Variants in RIF1 observed in about 807,000 individuals in gnomAD.
RIF1 encodes the protein telomere-associated protein RIF1.
In RIF1, 45 loss-of-function variants were observed where a neutral mutation model predicts 247.1. That is an observed-to-expected ratio of 0.18 (90% CI 0.14 to 0.23). The LOEUF is 0.23. Among genes scored for constraint, RIF1 ranks in the 10% least tolerant of loss-of-function variants. The probability of loss-of-function intolerance (pLI) is 1.00; values close to 1 mark genes in which losing one functional copy is unlikely to be tolerated. For missense variants in RIF1, 2,967 were observed against 2,862.5 expected (o/e 1.04, Z -0.83); for synonymous variants, 1,087 against 978.8 (o/e 1.11, Z -2.06).
chr2:151,410,913 T>G (rs367906632), intron 2 of RIF1, among the ~76,000 whole-genome samples: 1 of 152,156 alleles, frequency 6.6e-6, no homozygotes, highest in Non-Finnish European at 1.5e-5. Flanking sequence ...TGCAAAATGC[T>G]TCAAAGTAAT....
At chr2:151,452,394 G>T (rs1694469269) in intron 21 of RIF1, among the ~76,000 whole-genome samples, 1 of 152,162 alleles carries the variant, frequency 6.6e-6, no homozygotes, top group African/African-American at 2.4e-5. Context: ...TGTCATTAAT[G>T]AAAAATGTTA....
At chr2:151,524,295 C>G in the RIF1 span, 1 of 1,602,588 alleles carries the variant, frequency 6.2e-7, no homozygotes, top group East Asian at 2.2e-5. Context: ...GCCACCAGTG[C>G]ACCCATCTGC....
chr2:151,421,783 G>A (rs1416452014), intron 7 of RIF1, among the ~76,000 whole-genome samples: 2 of 152,068 alleles, frequency 1.3e-5, no homozygotes, highest in Admixed American at 6.6e-5. Flanking sequence ...ACAGTAACTC[G>A]AGTGTCTCAT....
chr2:151,512,595 T>G, downstream of RIF1: 5 of 713,778 alleles, frequency 7.0e-6, no homozygotes, highest in South Asian at 1.6e-5. Context: ...AATACAGACG[T>G]GAGCCACTGC....
exon 13 of RIF1, chr2:151,506,329 A>G: frequency 8.7e-7 from 1 of 1,143,382 alleles, no homozygotes; most frequent in Non-Finnish European, 1.3e-6. Context: ...GAGAAAGACT[A>G]GGACACATGG....
Position 151,459,988 on chromosome 2 carries a change from T to G in RIF1, c.2956-12T>G. The G allele has an allele frequency of 6.6e-7, 1 of 1,518,538 alleles. No individual in the cohort carries two copies. Among genetic ancestry groups the G allele is most frequent in the Non-Finnish European group, 8.9e-7 (1 of 1,128,466 alleles). 94.1% of individuals were successfully genotyped at this position (1,518,538 alleles called of 1,614,324 possible). On this transcript the variant is annotated splice_polypyrimidine_tract_variant and intron_variant, in intron 25 of 35. Transcript: ENST00000444746. ...TCTATTTAATGAAATTGTTTCATTT[T>G]TAATAAAACAGACAGAAAATTCACA...
intron 10 of RIF1, among the ~76,000 whole-genome samples, chr2:151,433,463 T>A (rs1043883993): frequency 6.6e-6 from 1 of 152,158 alleles, no homozygotes; most frequent in Non-Finnish European, 1.5e-5. Context: ...ATTATTAATT[T>A]ATTTATTTTG....
At chr2:151,529,040 C>T in the RIF1 span, among the ~76,000 whole-genome samples, 3 of 152,120 alleles carry the variant, frequency 2.0e-5, no homozygotes, top group African/African-American at 7.2e-5. Flanking sequence ...TTTGTGAGGA[C>T]CAATGCAGCA....
In RIF1 at chr2:151,492,246, A is replaced by G. The variant is rs754365974; in HGVS notation, c.*416-2983A>G. The G allele has an allele frequency of 1.0e-4, 169 of 1,613,162 alleles. No individual in the cohort carries two copies. Among genetic ancestry groups the G allele is most frequent in the Non-Finnish European group, 1.4e-4 (165 of 1,179,668 alleles). ...GATCTGTCACCACTGGTGTGAAGCA[A>G]CCCTTGTGTTTCTCAAAGTCTTCAT... On this transcript the variant is annotated intron_variant and NMD_transcript_variant, in intron 9 of 13. Coordinates refer to the RIF1 transcript ENST00000454583.
chr2:151,460,015 C>T lies in RIF1; in HGVS notation c.2971C>T (p.Leu991=), dbSNP rs767387056. ...AATAAAACAGACAGAAAATTCACAA[C>T]TAAATGTGAAGATAAGTGGCATGGA... ...PYSDGTENSQ[L]NVKISGMERK... Residue 991 remains leucine (L), a synonymous_variant, in exon 26 of 36, where the codon CTA becomes TTA. Transcript: ENST00000444746. 2.0e-6 allele frequency: 3 copies of T among 1,534,618 alleles called. No individual in the cohort carries two copies. The South Asian group carries it at 3.7e-5, about 19-fold the overall frequency.
At chr2:151,485,706 A>T (rs2049730765), downstream of RIF1, 2 of 1,532,492 alleles carry the variant, frequency 1.3e-6, no homozygotes, top group African/African-American at 2.7e-5. Flanking sequence ...CTAAACCGAA[A>T]CATTGACTGC....
intron 10 of RIF1, chr2:151,497,102 G>A (rs923412029): frequency 1.3e-6 from 2 of 1,506,270 alleles, no homozygotes; most frequent in African/African-American, 1.4e-5. Context: ...GGTTTTAAGG[G>A]TAAGGTCAGC....
rs1040219528 is a variant in RIF1 at position 151,495,754 on chromosome 2, TAATC to T, written c.*513+432_*513+435del. Among the ~76,000 whole-genome samples the T allele has an allele frequency of 1.1e-4, 16 of 152,298 alleles. 1 individual carries two copies. Among genetic ancestry groups the T allele is most frequent in the South Asian group, 4.1e-4 (2 of 4,826 alleles). Reference sequence around the variant, plus strand: ...TTTCATTTTTAAGTAAGTAAATTGATAATCAATAATTGCCAAAACTACTATTGGA... The same window carrying T: ...TTTCATTTTTAAGTAAGTAAATTGATAATAATTGCCAAAACTACTATTGGA... On this transcript the variant is annotated intron_variant and NMD_transcript_variant, in intron 10 of 13. Coordinates refer to the RIF1 transcript ENST00000454583.
chr2:151,434,005 C>T (rs541236413), intron 10 of RIF1, among the ~76,000 whole-genome samples: 2 of 151,880 alleles, frequency 1.3e-5, no homozygotes, highest in South Asian at 4.2e-4. Flanking sequence ...AACCCCGTGT[C>T]TACTAAAATA....
At position 151,497,949 on chromosome 2, in the gene RIF1, T is replaced by G. The variant is rs986243428; in HGVS notation, c.*514-1396T>G. The G allele has an allele frequency of 2.8e-6, 4 of 1,439,930 alleles. No homozygotes were observed. In the African/African-American group the frequency reaches 4.3e-5, roughly 16 times the overall value. The allele number at this position is 1,439,930 out of a possible 1,614,324, so 89.2% of individuals were successfully genotyped here. A position where few individuals can be genotyped will look rare whatever the true frequency, so the allele number is the denominator to read the frequency against. On this transcript the variant is annotated intron_variant and NMD_transcript_variant, in intron 10 of 13. Transcript: ENST00000454583. ...GGGCTGTCAGAGTTATCCATGTTAT[T>G]TTTTTTCATTTTTGTGAGTACGGTG... is the stretch of plus-strand genomic sequence containing the variant.
At chr2:151,459,909 T>C in intron 25 of RIF1, 91 bp from the exon 26 acceptor site, 1 of 1,041,476 alleles carries the variant, frequency 9.6e-7, no homozygotes, top group Non-Finnish European at 1.4e-6. Context: ...TATTTGCAAT[T>C]ACTATTTATT....
At chr2:151,433,677 A>G (rs1340919989) in intron 10 of RIF1, among the ~76,000 whole-genome samples, 1 of 151,794 alleles carries the variant, frequency 6.6e-6, no homozygotes, top group Non-Finnish European at 1.5e-5. Context: ...CTGGTCTCGC[A>G]CTCCTGGCCT....
intron 34 of RIF1, among the ~76,000 whole-genome samples, chr2:151,472,990 T>C (rs565239175): frequency 8.5e-5 from 13 of 152,222 alleles, no homozygotes; most frequent in Admixed American, 3.9e-4. Context: ...GGCTGTGAAT[T>C]CATCTGGTCC....
intron 9 of RIF1, among the ~76,000 whole-genome samples, chr2:151,429,731 A>T (rs1402831596): frequency 6.6e-6 from 1 of 152,104 alleles, no homozygotes; most frequent in East Asian, 1.9e-4. Flanking sequence ...TTTAATATTG[A>T]TATATGGAAG....
Sources: gnomAD v4.1 joint callset for allele counts (sites outside exome capture counted in the v4.1 genomes callset) on GRCh38, gnomAD v4.1.1 for gene constraint, MANE v1.5 for transcripts, NCBI Gene and HGNC (gene_info 2026-07-23, HGNC 2026-07-21) for gene names.